Variants in DOCK2 observed in about 807,000 individuals in gnomAD.
DOCK2 encodes the protein dedicator of cytokinesis 2.
Under a neutral mutation model 248.9 loss-of-function variants are expected in DOCK2, and 87 were observed. That is an observed-to-expected ratio of 0.35 (90% CI 0.29 to 0.42). The LOEUF (loss-of-function observed/expected upper bound fraction) is 0.42. DOCK2 is among the 10% of genes least tolerant of loss of function. The pLI, the probability that DOCK2 is intolerant of heterozygous loss-of-function variation, is 1.00. For synonymous variants in DOCK2, 805 were observed against 821.6 expected, an observed-to-expected ratio of 0.98 and a Z score of 0.35; for missense variants, 1,747 against 2,300.2, an observed-to-expected ratio of 0.76 and a Z score of 4.92.
At chr5:169,691,515 T>C (rs1001356332) in intron 9 of DOCK2, among the ~76,000 whole-genome samples, 1 of 152,154 alleles carries the variant, frequency 6.6e-6, no homozygotes, top group Non-Finnish European at 1.5e-5. Flanking sequence ...TAAATTCAGA[T>C]AATAAAATGC....
chr5:170,058,266 A>C (rs1757207603), intron 44 of DOCK2, among the ~76,000 whole-genome samples: 1 of 152,234 alleles, frequency 6.6e-6, no homozygotes, highest in Non-Finnish European at 1.5e-5. Flanking sequence ...GGACATATTT[A>C]GGATGTCTTA....
At chr5:169,877,736 G>A (rs558873809) in intron 27 of DOCK2, among the ~76,000 whole-genome samples, 1 of 152,306 alleles carries the variant, frequency 6.6e-6, no homozygotes, top group South Asian at 2.1e-4. Context: ...AAGTCCATGA[G>A]TGCAGTTGAA....
At chr5:169,651,925 C>G (rs1241378470) in intron 1 of DOCK2, among the ~76,000 whole-genome samples, 1 of 152,214 alleles carries the variant, frequency 6.6e-6, no homozygotes, top group Non-Finnish European at 1.5e-5. Context: ...CTACACAAAG[C>G]TCTGGAGGAG....
In DOCK2 at chr5:169,767,465, C is replaced by T. The variant is rs547183219; in HGVS notation, c.2554+5840C>T. ...CTTTAACATCTCTGAGCCTCGGGTTCCATGTCAGAAAAATTTGAAAAATGT... is the reference window on the plus strand; with the variant it reads ...CTTTAACATCTCTGAGCCTCGGGTTTCATGTCAGAAAAATTTGAAAAATGT... On this transcript the variant is annotated intron_variant, in intron 25 of 51. Transcript: ENST00000520908. Among the ~76,000 whole-genome samples, 268 of 152,236 alleles carry T rather than the reference C, an allele frequency of 1.8e-3. 1 individual carries two copies. Among genetic ancestry groups the T allele is most frequent in the African/African-American group, 6.2e-3 (259 of 41,514 alleles).
intron 27 of DOCK2, among the ~76,000 whole-genome samples, chr5:169,874,463 T>G: frequency 8.5e-6 from 1 of 117,410 alleles, no homozygotes; most frequent in Admixed American, 8.7e-5. Context: ...TTTGAGAAAA[T>G]GGAAAATGAG....
chr5:169,955,929 T>C (rs1326698741), intron 27 of DOCK2, among the ~76,000 whole-genome samples: 1 of 152,104 alleles, frequency 6.6e-6, no homozygotes, highest in African/African-American at 2.4e-5. Flanking sequence ...CAAGTGTGCT[T>C]TGGGCAACTA....
chr5:169,708,098 A>G (rs1338170328), intron 14 of DOCK2, 71 bp from the exon 15 acceptor site: 4 of 1,538,786 alleles, frequency 2.6e-6, no homozygotes, highest in Non-Finnish European at 3.6e-6. Context: ...TGGCCTAGGG[A>G]CCAAACCTGC....
At chr5:169,967,340 G>A (rs1260270187) in intron 27 of DOCK2, among the ~76,000 whole-genome samples, 2 of 152,230 alleles carry the variant, frequency 1.3e-5, no homozygotes, top group African/African-American at 4.8e-5. Flanking sequence ...TAAAAGGTAG[G>A]TAGATACATG....
intron 15 of DOCK2, 45 bp downstream of exon 15, chr5:169,708,312 T>A: frequency 6.4e-7 from 1 of 1,560,130 alleles, no homozygotes; most frequent in Non-Finnish European, 8.8e-7. Context: ...GTTCTTACCA[T>A]GAACCAGGCA....
chr5:169,830,599 G>A (rs916624703), intron 26 of DOCK2, among the ~76,000 whole-genome samples: 1 of 152,312 alleles, frequency 6.6e-6, no homozygotes, highest in Non-Finnish European at 1.5e-5. Flanking sequence ...TTGGCATTAA[G>A]ATATTGAACA....
intron 25 of DOCK2, among the ~76,000 whole-genome samples, chr5:169,800,947 T>C (rs1234391193): frequency 1.5e-5 from 1 of 67,024 alleles, no homozygotes; most frequent in Non-Finnish European, 3.3e-5. Flanking sequence ...TTTCTTTCTT[T>C]TTTTTTTTTT....
rs1767746418 is a variant in DOCK2 at position 169,811,426 on chromosome 5, A to G, written c.2703+8220A>G. Among the ~76,000 whole-genome samples, 3 of 152,236 alleles carry G rather than the reference A, an allele frequency of 2.0e-5. No homozygotes were observed. In the South Asian group the frequency reaches 6.2e-4, roughly 32 times the overall value. Reference sequence around the variant, plus strand: ...CTCCCTCATATTTGAAATAAAAGGCAGGGAGACAAGGCTTGCTGAAATTCT... The same window carrying G: ...CTCCCTCATATTTGAAATAAAAGGCGGGGAGACAAGGCTTGCTGAAATTCT... On this transcript the variant is annotated intron_variant, in intron 26 of 51. Transcript: ENST00000520908.
chr5:169,678,900 A>G (rs1255487572), intron 6 of DOCK2, among the ~76,000 whole-genome samples: 2 of 152,214 alleles, frequency 1.3e-5, no homozygotes, highest in Non-Finnish European at 1.5e-5. Context: ...TAACTAGACC[A>G]GCAGGAATTA....
At chr5:170,028,071 G>T in intron 34 of DOCK2, 123 bp downstream of exon 34, 1 of 732,338 alleles carries the variant, frequency 1.4e-6, no homozygotes, top group South Asian at 4.3e-5. Context: ...GAGGCTCATG[G>T]GTATTGGCAA....
chr5:169,939,762 A>G (rs1475006001), intron 27 of DOCK2, among the ~76,000 whole-genome samples: 1 of 152,182 alleles, frequency 6.6e-6, no homozygotes, highest in Non-Finnish European at 1.5e-5. Flanking sequence ...CTTATAAGGA[A>G]CTCAGCTCTA....
At chr5:169,781,249 A>G (rs953801475) in intron 25 of DOCK2, among the ~76,000 whole-genome samples, 2 of 152,262 alleles carry the variant, frequency 1.3e-5, no homozygotes, top group African/African-American at 4.8e-5. Context: ...AACTCCACAG[A>G]CAGTGGCCCC....
intron 44 of DOCK2, among the ~76,000 whole-genome samples, chr5:170,060,890 C>T (rs1757304775): frequency 6.6e-6 from 1 of 152,052 alleles, no homozygotes; most frequent in South Asian, 2.1e-4. Context: ...ATTAGCTGGG[C>T]ATGGTGGCAT....
intron 27 of DOCK2, among the ~76,000 whole-genome samples, chr5:169,895,520 C>T (rs1025265926): frequency 3.3e-5 from 5 of 152,102 alleles, no homozygotes; most frequent in African/African-American, 1.2e-4. Context: ...CAGCAGCCAG[C>T]ATTCACGCAT....
chr5:169,657,469 T>G (rs1758187521), intron 2 of DOCK2, among the ~76,000 whole-genome samples: 1 of 152,160 alleles, frequency 6.6e-6, no homozygotes, highest in Non-Finnish European at 1.5e-5. Flanking sequence ...TACAAGAATA[T>G]TGGATTAAAA....
Sources: gnomAD v4.1 joint callset for allele counts (sites outside exome capture counted in the v4.1 genomes callset) on GRCh38, gnomAD v4.1.1 for gene constraint, MANE v1.5 for transcripts, NCBI Gene and HGNC (gene_info 2026-07-23, HGNC 2026-07-21) for gene names.